CSPG4: variants seen among roughly 807,000 people sequenced by gnomAD.
The protein encoded by CSPG4 is chondroitin sulfate proteoglycan 4 (melanoma-associated).
In CSPG4, 74 loss-of-function variants were observed where a neutral mutation model predicts 139.3. The ratio of observed to expected loss-of-function variants is 0.53; its 90% CI spans 0.44 to 0.64. The LOEUF (loss-of-function observed/expected upper bound fraction) is 0.64, where lower values mean the gene tolerates loss of function less well. Ranked by LOEUF, CSPG4 falls within the 30% of genes least tolerant of loss-of-function variation. The pLI is 0.00. For synonymous variants in CSPG4, 1,234 were observed against 1,394.2 expected, an observed-to-expected ratio of 0.89 and a Z score of 2.56; for missense variants, 2,565 against 3,148.3, an observed-to-expected ratio of 0.81 and a Z score of 4.43.
At chr15:75,695,103 C>T (rs1353495691) in intron 1 of CSPG4, among the ~76,000 whole-genome samples, 2 of 152,174 alleles carry the variant, frequency 1.3e-5, no homozygotes, top group African/African-American at 4.8e-5. Flanking sequence ...GCAAATACTG[C>T]AAATCAGGGT....
At position 75,677,795 on chromosome 15, in the gene CSPG4, G is replaced by T. The variant is rs755729234; in HGVS notation, c.5042C>A (p.Pro1681Gln). 4 of 1,612,056 alleles carry T rather than the reference G, an allele frequency of 2.5e-6. No individual in the cohort carries two copies. Among genetic ancestry groups the T allele is most frequent in the Non-Finnish European group, 3.4e-6 (4 of 1,179,192 alleles). ...GGTGGCGGCCACGTCCCGGGCAGGC[G>T]GCGAGGACAGCTGGAGCTCTAGGGT... ...HDTLELQLSS[P>Q]PARDVAATLA... Residue 1681 changes from proline (P) to glutamine (Q), a missense_variant, in exon 9 of 10, where the codon CCG (proline) becomes CAG (glutamine). Pro to Gln is a moderately conservative substitution (Grantham distance 76, BLOSUM62 -1). Coordinates refer to ENST00000308508, the MANE Select transcript of CSPG4 (RefSeq NM_001897.5).
chr15:75,699,198 GGGGTGCT>G (rs1894269787), intron 1 of CSPG4, among the ~76,000 whole-genome samples: 1 of 152,202 alleles, frequency 6.6e-6, no homozygotes, highest in Non-Finnish European at 1.5e-5. Context: ...TTATCCCAGT[GGGGTGCT>G]GGAGTGCTAG....
In CSPG4 at chr15:75,690,819, A is replaced by G. The variant is rs1566975440; in HGVS notation, c.253-7T>C. 6.3e-7 allele frequency: 1 copy of G among 1,597,046 alleles called. No homozygotes were observed. Among genetic ancestry groups the G allele is most frequent in the Non-Finnish European group, 8.6e-7 (1 of 1,169,162 alleles). ...GGCCCAGAACAAGTCTGACCTGAAG[A>G]GAGATGGGGAGTGGGAGATAGTGGA... On this transcript the variant is annotated splice_polypyrimidine_tract_variant and splice_region_variant and intron_variant, in intron 2 of 9. Coordinates refer to ENST00000308508, the MANE Select transcript of CSPG4 (RefSeq NM_001897.5).
intron 1 of CSPG4, among the ~76,000 whole-genome samples, chr15:75,694,029 C>A (rs999563507): frequency 6.6e-6 from 1 of 152,250 alleles, no homozygotes; most frequent in Non-Finnish European, 1.5e-5. Flanking sequence ...CCCCGATGAG[C>A]AGTCAGATCC....
rs59607161 is a variant in CSPG4, at chr15:75,706,778, C to A, written c.88+5890G>T. Among the ~76,000 whole-genome samples the A allele has an allele frequency of 7.5e-3, 1,135 of 152,154 alleles. 14 individuals are homozygous for A. Among genetic ancestry groups the A allele is most frequent in the African/African-American group, 0.026 (1,062 of 41,490 alleles). ...GCCTAGTTCTATCTGATCAGCCAGT[C>A]CGTGGGACACAGGATCACCTTGACC... On this transcript the variant is annotated intron_variant, in intron 1 of 9. Transcript: ENST00000308508.
chr15:75,692,228 C>T (rs926103236), intron 2 of CSPG4, among the ~76,000 whole-genome samples: 7 of 152,202 alleles, frequency 4.6e-5, no homozygotes, highest in African/African-American at 1.7e-4. Context: ...AGGTGATCCA[C>T]CCGCCTCAGC....
At chr15:75,693,726 G>C (rs1226976284) in intron 1 of CSPG4, among the ~76,000 whole-genome samples, 1 of 152,242 alleles carries the variant, frequency 6.6e-6, no homozygotes, top group Non-Finnish European at 1.5e-5. Context: ...AAGTGCCCTT[G>C]TGCTTGGGCT....
Position 75,684,889 on chromosome 15 carries a change from G to T in CSPG4, c.4296C>A (p.Tyr1432Ter). The T allele has an allele frequency of 6.2e-7, 1 of 1,610,590 alleles. No individual in the cohort carries two copies. Among genetic ancestry groups the T allele is most frequent in the Non-Finnish European group, 8.5e-7 (1 of 1,177,442 alleles). ...TCAGTGTCTCGCTCCCGTCATGCAC[G>T]TAGCGGATCAGCTGCTCTTCCACCT... ...WRMVEEQLIR[Y>*]VHDGSETLTD... Residue 1432 changes from tyrosine (Y) to a stop codon, truncating the protein, a stop_gained, in exon 5 of 10, where the codon TAC becomes TAA. Transcript: ENST00000308508. LOFTEE classifies it high-confidence loss of function.
At position 75,676,533 on chromosome 15, in the gene CSPG4, G is replaced by T. The variant is rs1893895076; in HGVS notation, c.5986C>A (p.Pro1996Thr). ...QYGHLLVGGR[P>T]TSAFSQFQID... The stretch of plus-strand genomic sequence containing the variant: ...TGGAATTGGCTGAAGGCCGAGGTGG[G>T]CCGCCCGCCCACCAGGAGATGCCCA... The change falls in exon 10 of 10, where the codon CCC becomes ACC. Residue 1996 changes from proline to threonine, a missense_variant. This residue lies in a region of CSPG4 where 2,316 missense variants were observed against 2,818.2 expected (regional missense o/e 0.82). Transcript: ENST00000308508. 6.2e-7 allele frequency: 1 copy of T among 1,613,708 alleles called. No homozygotes were observed. The highest frequency in any genetic ancestry group is 8.5e-7 in the Non-Finnish European group (1 of 1,179,988).
In CSPG4 at chr15:75,676,370, C is replaced by G; in HGVS notation, c.6149G>C (p.Trp2050Ser). 1.9e-6 allele frequency: 3 copies of G among 1,613,442 alleles called. No homozygotes were observed. The highest frequency in any genetic ancestry group is 2.5e-6 in the Non-Finnish European group (3 of 1,180,010). The part of the protein sequence containing the change: ...NVTVRALLHV[W>S]AGGPWPQGAT... ...ACCCTGGGGCCATGGCCCACCTGCC[C>G]ACACATGCAGCAGAGCCCTCACAGT... Residue 2050 changes from tryptophan to serine, a missense_variant, in exon 10 of 10, where the codon TGG (tryptophan) becomes TCG (serine). Coordinates refer to ENST00000308508, the MANE Select transcript of CSPG4 (RefSeq NM_001897.5).
Position 75,682,656 on chromosome 15 carries a change from C to A in CSPG4, c.4734G>T (p.Lys1578Asn). 6.2e-7 allele frequency: 1 copy of A among 1,613,172 alleles called. No individual in the cohort carries two copies. Among genetic ancestry groups the A allele is most frequent in the Non-Finnish European group, 8.5e-7 (1 of 1,180,026 alleles). ...TGCCCTTCAGCGAGAGGAGCACTTG[C>A]TTCTGGGCCGTCACTCGGAAGAAGT... ...PGHFFRVTAQ[K>N]QVLLSLKGSQ... is the part of the protein sequence containing the mutation. Residue 1578 changes from lysine to asparagine, a missense_variant, in exon 7 of 10, where the codon AAG (lysine) becomes AAT (asparagine). Lys to Asn is a moderately conservative substitution (Grantham distance 94). Coordinates refer to ENST00000308508, the MANE Select transcript of CSPG4 (RefSeq NM_001897.5).
Position 75,689,267 on chromosome 15 carries a change from C to CT in CSPG4, c.1797_1798insA (p.Gly600ArgfsTer125). 6.2e-7 allele frequency: 1 copy of CT among 1,610,728 alleles called. No individual in the cohort carries two copies. The highest frequency in any genetic ancestry group is 1.3e-5 in the African/African-American group (1 of 74,992). On this transcript the variant is annotated frameshift_variant, in exon 3 of 10. Coordinates refer to ENST00000308508, the MANE Select transcript of CSPG4 (RefSeq NM_001897.5). LOFTEE classifies it high-confidence loss of function. ...TGGTCTCGGCGCTCCACGGGGAGGC[C>CT]AGAGGAGGTGCCAAGGACCTGGAAG...
Position 75,677,330 on chromosome 15 carries a change from G to A in CSPG4, c.5189C>T (p.Ala1730Val). 1 of 1,416,298 alleles carries A rather than the reference G, an allele frequency of 7.1e-7. No individual in the cohort carries two copies. Among genetic ancestry groups the A allele is most frequent in the Non-Finnish European group, 9.2e-7 (1 of 1,081,436 alleles). The allele number at this position is 1,416,298 out of a possible 1,614,324, so 87.7% of individuals were successfully genotyped here. ...RARITVAALD[A>V]SNLLASVPSP... The stretch of plus-strand genomic sequence containing the variant: ...TGGAACGCTGGCCAAGAGATTGGAG[G>A]CATCCAGAGCAGCCACGGTGATCCT... The change falls in exon 10 of 10, where the codon GCC (alanine) becomes GTC (valine). Residue 1730 changes from alanine to valine, a missense_variant. Transcript: ENST00000308508.
At chr15:75,702,754 G>A (rs1048690289) in intron 1 of CSPG4, among the ~76,000 whole-genome samples, 1 of 152,246 alleles carries the variant, frequency 6.6e-6, no homozygotes, top group Non-Finnish European at 1.5e-5. Flanking sequence ...AGAGTCTGGT[G>A]CTTGTTTTTA....
intron 8 of CSPG4, chr15:75,680,547 TG>T (rs1435799339): frequency 2.0e-5 from 3 of 152,474 alleles, no homozygotes; most frequent in African/African-American, 7.2e-5. Flanking sequence ...GGCTGAATGG[TG>T]GGCAGGAAGG....
chr15:75,689,398 A>T lies in CSPG4; in HGVS notation c.1667T>A (p.Ile556Asn), dbSNP rs1464096070. The change falls in exon 3 of 10, where the codon ATC becomes AAC. Residue 556 changes from isoleucine to asparagine, a missense_variant. By Grantham distance (149) the Ile-to-Asn change is moderately radical (BLOSUM62 -3). This residue lies in a region of CSPG4 where 2,316 missense variants were observed against 2,818.2 expected (regional missense o/e 0.82). Coordinates refer to ENST00000308508, the MANE Select transcript of CSPG4 (RefSeq NM_001897.5). ...CACCATGAGGCTGCCATGTGGGAAG[A>T]TGATGTGGGGTGGGTCATTGACAGG... Reference protein sequence around the residue: ...VNPVNDPPHIIFPHGSLMVIL... With the variant: ...VNPVNDPPHINFPHGSLMVIL... The T allele has an allele frequency of 6.2e-7, 1 of 1,612,506 alleles. No homozygotes were observed. The highest frequency in any genetic ancestry group is 1.3e-5 in the African/African-American group (1 of 74,904).
rs749487044 is a variant in CSPG4 at position 75,693,082 on chromosome 15, A to G, written c.240T>C (p.Ser80=). The change falls in exon 2 of 10, where the codon TCT becomes TCC. Residue 80 remains serine, a synonymous_variant. Coordinates refer to ENST00000308508, the MANE Select transcript of CSPG4 (RefSeq NM_001897.5). ...PADHLLLQLY[S]GRLQVRLVLG... ...GGACGTCACTCACCTGCAGGCGTCC[A>G]GAGTAGAGCTGCAGCAGGAGGTGGT... The G allele has an allele frequency of 1.7e-5, 26 of 1,503,698 alleles. No individual in the cohort carries two copies. In the South Asian group the frequency reaches 2.5e-4, roughly 15 times the overall value. The allele number at this position is 1,503,698 out of a possible 1,614,324, so 93.1% of individuals were successfully genotyped here.
Position 75,675,070 on chromosome 15 carries a change from T to C in CSPG4, c.*480A>G, listed in dbSNP as rs932057938. The C allele has an allele frequency of 1.9e-5, 7 of 368,924 alleles. No individual in the cohort carries two copies. The highest frequency in any genetic ancestry group is 1.5e-4 in the African/African-American group (7 of 48,216). The allele number at this position is 368,924 out of a possible 1,614,324, so 22.9% of individuals were successfully genotyped here. A position where few individuals can be genotyped will look rare whatever the true frequency, so the allele number is the denominator to read the frequency against. ...CTAAAAAACCAGGGGAGGAAGTTTT[T>C]TTCTCAACTCTGGGGCAGAGACAAA... On this transcript the variant is annotated 3_prime_UTR_variant, in exon 10 of 10. Coordinates refer to ENST00000308508, the MANE Select transcript of CSPG4 (RefSeq NM_001897.5).
rs1894253962 is a variant in CSPG4, at chr15:75,698,309, T to G, written c.89-5076A>C. On this transcript the variant is annotated intron_variant, in intron 1 of 9. Coordinates refer to ENST00000308508, the MANE Select transcript of CSPG4 (RefSeq NM_001897.5). This position sits in a 1 kb window ranked among gnomAD's most constrained non-coding sequence, Gnocchi z 4.3. The stretch of plus-strand genomic sequence containing the variant: ...AGGGCTCTCTGTCTCCCCTCATAGG[T>G]GTGTATGTGGTGGGGCGGGGGGTGG... Among the ~76,000 whole-genome samples the G allele has an allele frequency of 7.2e-6, 1 of 138,690 alleles. No individual in the cohort carries two copies. Among genetic ancestry groups the G allele is most frequent in the Non-Finnish European group, 1.6e-5 (1 of 64,510 alleles). 91.0% of individuals were successfully genotyped at this position (138,690 alleles called of 152,430 possible). A position where few individuals can be genotyped will look rare whatever the true frequency, so the allele number is the denominator to read the frequency against.
Sources: allele counts gnomAD v4.1 joint callset (sites outside exome capture counted in the v4.1 genomes callset), GRCh38; gene constraint gnomAD v4.1.1; regional missense constraint gnomAD v4.1.1; non-coding constraint Gnocchi (gnomAD v3.1); transcripts MANE v1.5; gene names NCBI Gene and HGNC (gene_info 2026-07-23, HGNC 2026-07-21).